Variants in ZNF407 observed in about 807,000 individuals in gnomAD.
The protein encoded by ZNF407 is zinc finger protein 407.
Under a neutral mutation model 131.2 loss-of-function variants are expected in ZNF407, and 17 were observed. The observed-to-expected ratio is 0.13, with a 90% CI of 0.09 to 0.19. The LOEUF (loss-of-function observed/expected upper bound fraction) is 0.19. Among genes scored for constraint, ZNF407 ranks in the 10% least tolerant of loss-of-function variants. The pLI, the probability that ZNF407 is intolerant of heterozygous loss-of-function variation, is 1.00. For missense variants in ZNF407, 2,681 were observed against 2,830.6 expected (o/e 0.95, Z 1.20); for synonymous variants, 1,156 against 1,062.0 (o/e 1.09, Z -1.72).
At chr18:74,779,109 ATTTT>A (rs869191171) in intron 3 of ZNF407, among the ~76,000 whole-genome samples, 36 of 24,376 alleles carry the variant, frequency 1.5e-3, no homozygotes, top group African/African-American at 4.6e-3. Context: ...ATATATATAT[ATTTT>A]TTTTTTTTTT....
At chr18:74,760,657 C>A (rs2144972148) in intron 3 of ZNF407, among the ~76,000 whole-genome samples, 1 of 152,228 alleles carries the variant, frequency 6.6e-6, no homozygotes, top group South Asian at 2.1e-4. Flanking sequence ...AAACCCTGAG[C>A]ATGGAGTGTT....
At chr18:74,599,985 T>C (rs1207101116) in intron 1 of ZNF407, among the ~76,000 whole-genome samples, 2 of 152,230 alleles carry the variant, frequency 1.3e-5, no homozygotes, top group East Asian at 3.8e-4. Flanking sequence ...ACTAGTGGAA[T>C]TAAGTAATGC....
chr18:74,734,417 T>A (rs1356692845), intron 3 of ZNF407, among the ~76,000 whole-genome samples: 14 of 152,236 alleles, frequency 9.2e-5, no homozygotes, highest in Admixed American at 9.2e-4. Flanking sequence ...TTTTTTATCA[T>A]TCTTTGTATT....
chr18:74,825,640 C>G (rs1055844490), intron 4 of ZNF407, among the ~76,000 whole-genome samples: 3 of 151,984 alleles, frequency 2.0e-5, no homozygotes, highest in Admixed American at 1.3e-4. Context: ...AACTGAAAAC[C>G]CGGGTTGTGG....
chr18:75,022,421 C>T (rs888909452), intron 8 of ZNF407, among the ~76,000 whole-genome samples: 1 of 152,198 alleles, frequency 6.6e-6, no homozygotes, highest in African/African-American at 2.4e-5. Context: ...TGCTGTATCA[C>T]ATAGTGGCTT....
intron 3 of ZNF407, among the ~76,000 whole-genome samples, chr18:74,675,334 C>T (rs1168305041): frequency 2.0e-5 from 3 of 152,190 alleles, no homozygotes; most frequent in African/African-American, 4.8e-5. Flanking sequence ...TATTGTCAGT[C>T]TCTCCCACTT....
rs1599026031 is a variant in ZNF407 at position 74,631,567 on chromosome 18, A to T, written c.548A>T (p.Asp183Val). Reference sequence around the variant, plus strand: ...GTTAGTTGTACCATTGGGAATGTAGATACAGTTCTCAAATGCAGCATCTGT... The same window carrying T: ...GTTAGTTGTACCATTGGGAATGTAGTTACAGTTCTCAAATGCAGCATCTGT... ...ISVSCTIGNV[D>V]TVLKCSICGH... is the part of the protein sequence containing the mutation. The change falls in exon 2 of 9, where the codon GAT becomes GTT. Residue 183 changes from aspartate to valine, a missense_variant. Physicochemically the swap from Asp to Val is radical, Grantham distance 152. Transcript: ENST00000299687. The T allele has an allele frequency of 1.2e-6, 2 of 1,613,744 alleles. No homozygotes were observed. Among genetic ancestry groups the T allele is most frequent in the Non-Finnish European group, 1.7e-6 (2 of 1,179,886 alleles).
At chr18:74,647,383 A>G (rs1985019664) in intron 3 of ZNF407, among the ~76,000 whole-genome samples, 1 of 152,128 alleles carries the variant, frequency 6.6e-6, no homozygotes, top group Non-Finnish European at 1.5e-5. Context: ...GTTTGAGGCT[A>G]CAGTGAGCTA....
chr18:75,035,756 T>TCCGC (rs1322370545), intron 8 of ZNF407, among the ~76,000 whole-genome samples: 1 of 152,212 alleles, frequency 6.6e-6, no homozygotes, highest in Non-Finnish European at 1.5e-5. Flanking sequence ...GGGCATTGCG[T>TCCGC]CCGCCTCGCC....
chr18:74,693,298 G>T (rs182701426), intron 3 of ZNF407, among the ~76,000 whole-genome samples: 1 of 152,180 alleles, frequency 6.6e-6, no homozygotes, highest in Non-Finnish European at 1.5e-5. Flanking sequence ...CTCATTGTTA[G>T]CATGGGAGTG....
chr18:74,683,288 A>T (rs1967027522), intron 3 of ZNF407, among the ~76,000 whole-genome samples: 1 of 152,204 alleles, frequency 6.6e-6, no homozygotes, highest in Admixed American at 6.5e-5. Flanking sequence ...TTATTCTTTT[A>T]TGTATATTTT....
intron 1 of ZNF407, among the ~76,000 whole-genome samples, chr18:74,603,107 T>G (rs777023840): frequency 3.3e-5 from 5 of 152,174 alleles, no homozygotes; most frequent in Non-Finnish European, 7.4e-5. Flanking sequence ...AAGAGTTTAT[T>G]GTAAGGGCAT....
Position 74,806,789 on chromosome 18 carries a change from A to T in ZNF407, c.4877+25287A>T, listed in dbSNP as rs1316589069. Among the ~76,000 whole-genome samples the T allele has an allele frequency of 2.6e-5, 4 of 152,206 alleles. No homozygotes were observed. The East Asian group carries it at 5.8e-4, about 22-fold the overall frequency. ...ATAATACTCCCTTTAGAAAATTCTC[A>T]TAAGGAGTAAATAGAGTGAGACTGA... On this transcript the variant is annotated intron_variant, in intron 4 of 8. Coordinates refer to ENST00000299687, the MANE Select transcript of ZNF407 (RefSeq NM_017757.3).
chr18:74,972,959 G>A (rs1305274231), intron 8 of ZNF407, among the ~76,000 whole-genome samples: 3 of 152,036 alleles, frequency 2.0e-5, no homozygotes, highest in East Asian at 1.9e-4. Flanking sequence ...CTATTGATAC[G>A]CTAGGTCTTA....
intron 8 of ZNF407, among the ~76,000 whole-genome samples, chr18:75,026,633 C>T (rs1034880747): frequency 1.3e-5 from 2 of 152,234 alleles, no homozygotes; most frequent in African/African-American, 4.8e-5. Context: ...GCAACTCTTA[C>T]AAACCATTTG....
Position 74,883,272 on chromosome 18 carries a change from T to C in ZNF407, c.5128+2153T>C, listed in dbSNP as rs190609208. 3.7e-3 allele frequency among the ~76,000 whole-genome samples: 562 copies of C among 152,314 alleles called. 1 individual carries two copies. Among genetic ancestry groups the C allele is most frequent in the African/African-American group, 0.013 (531 of 41,572 alleles). Reference sequence around the variant, plus strand: ...AGACTGTTTGCTTCAACAAAACAGCTAGGCACAACTCAGTCTGGGCACTTA... The same window carrying C: ...AGACTGTTTGCTTCAACAAAACAGCCAGGCACAACTCAGTCTGGGCACTTA... On this transcript the variant is annotated intron_variant, in intron 6 of 8. Transcript: ENST00000299687.
At chr18:74,939,273 C>T (rs182827176) in intron 8 of ZNF407, among the ~76,000 whole-genome samples, 1 of 151,982 alleles carries the variant, frequency 6.6e-6, no homozygotes, top group Admixed American at 6.5e-5. Context: ...AATATTACAC[C>T]TGAAATACAA....
At chr18:74,879,350 A>G (rs565266580) in intron 5 of ZNF407, among the ~76,000 whole-genome samples, 1 of 152,264 alleles carries the variant, frequency 6.6e-6, no homozygotes, top group South Asian at 2.1e-4. Context: ...ACACACCACC[A>G]GATGTGTGTG....
At chr18:75,049,598 G>A (rs1040420366) in intron 8 of ZNF407, among the ~76,000 whole-genome samples, 1 of 152,078 alleles carries the variant, frequency 6.6e-6, no homozygotes, top group Non-Finnish European at 1.5e-5. Context: ...AAGGCATCGC[G>A]TTTCAGTTTC....
Sources: gnomAD v4.1 joint callset for allele counts (sites outside exome capture counted in the v4.1 genomes callset) on GRCh38, gnomAD v4.1.1 for gene constraint, MANE v1.5 for transcripts, NCBI Gene and HGNC (gene_info 2026-07-23, HGNC 2026-07-21) for gene names.